Variants in GCNT2 observed in about 807,000 individuals in gnomAD.
The protein encoded by GCNT2 is glucosaminyl (N-acetyl) transferase 2 (I blood group), also known as N-acetyllactosaminide beta-1,6-N-acetylglucosaminyl-transferase.
A neutral mutation model predicts 34.2 loss-of-function variants in GCNT2; 34 were observed. The ratio of observed to expected loss-of-function variants is 1.00; its 90% CI spans 0.76 to 1.32. The LOEUF is 1.32. GCNT2 is among the 40% of genes most tolerant of loss of function. The pLI is 0.00. For missense variants in GCNT2, 584 were observed against 489.4 expected, an observed-to-expected ratio of 1.19 and a Z score of -1.82; for synonymous variants, 212 against 188.0, an observed-to-expected ratio of 1.13 and a Z score of -1.04.
chr6:10,523,324 G>T (rs1399242840), intron 1 of GCNT2, among the ~76,000 whole-genome samples: 1 of 151,866 alleles, frequency 6.6e-6, no homozygotes, highest in African/African-American at 2.4e-5. Flanking sequence ...TGCTCGGGAG[G>T]CTGAGGCAGG....
intron 1 of GCNT2, chr6:10,521,624 C>G (rs1372988074): frequency 2.0e-5 from 3 of 151,190 alleles, no homozygotes; most frequent in Non-Finnish European, 4.4e-5. Flanking sequence ...TTGAATGAGT[C>G]ATTTGGTCAT....
chr6:10,533,800 CAAAAAAA>C (rs869274003), intron 3 of GCNT2, among the ~76,000 whole-genome samples: 60 of 43,370 alleles, frequency 1.4e-3, no homozygotes, highest in East Asian at 1.6e-3. Flanking sequence ...GACTCTGTCT[CAAAAAAA>C]AAAAAAAAAA....
chr6:10,573,262 G>A (rs1469523154), intron 3 of GCNT2: 1 of 985,032 alleles, frequency 1.0e-6, no homozygotes, highest in African/African-American at 1.7e-5. Flanking sequence ...GAGAAAAGTT[G>A]TTGTGCAGAA....
chr6:10,617,340 G>A (rs954855402), intron 3 of GCNT2, among the ~76,000 whole-genome samples: 11 of 151,716 alleles, frequency 7.3e-5, no homozygotes, highest in Non-Finnish European at 1.2e-4. Flanking sequence ...ACGCCCACCC[G>A]GAACTCACGC....
chr6:10,586,811 C>G, intron 3 of GCNT2: 1 of 1,613,526 alleles, frequency 6.2e-7, no homozygotes, highest in Non-Finnish European at 8.5e-7. Flanking sequence ...GAGACTTTGT[C>G]GACTTTGTTC....
At chr6:10,537,801 C>G (rs1258272937) in intron 3 of GCNT2, among the ~76,000 whole-genome samples, 5 of 151,690 alleles carry the variant, frequency 3.3e-5, no homozygotes, top group African/African-American at 1.2e-4. Context: ...CCTAGCCTCC[C>G]TTAAACATGC....
chr6:10,567,895 A>G (rs1763359832), intron 3 of GCNT2, among the ~76,000 whole-genome samples: 1 of 152,258 alleles, frequency 6.6e-6, no homozygotes, highest in African/African-American at 2.4e-5. Context: ...TTTGCCAATG[A>G]TAAATGGATT....
At chr6:10,617,638 C>T (rs914056433) in intron 3 of GCNT2, among the ~76,000 whole-genome samples, 2 of 152,168 alleles carry the variant, frequency 1.3e-5, no homozygotes, top group Non-Finnish European at 2.9e-5. Flanking sequence ...TTTTACCCAG[C>T]TCCTATTTAA....
intron 3 of GCNT2, among the ~76,000 whole-genome samples, chr6:10,618,046 C>T (rs551798763): frequency 6.6e-6 from 1 of 152,166 alleles, no homozygotes; most frequent in South Asian, 2.1e-4. Context: ...TGAGCCACCA[C>T]GCCTGGCCAG....
At chr6:10,536,761 T>C (rs1265224934) in intron 3 of GCNT2, among the ~76,000 whole-genome samples, 2 of 146,680 alleles carry the variant, frequency 1.4e-5, no homozygotes, top group African/African-American at 5.1e-5. Flanking sequence ...TGGAGTACAG[T>C]GGCGCAATCT....
rs1490798970 is a variant in GCNT2 at position 10,556,859 on chromosome 6, C to A, written c.925+27023C>A. On this transcript the variant is annotated intron_variant, in intron 3 of 4. Coordinates refer to ENST00000495262, the MANE Select transcript of GCNT2 (RefSeq NM_145649.5). ...GGTAGAGCAACTATTAAGCTGCTTC[C>A]CAAACGCTTTTCTGGCTTCCAAGAT... 1.9e-6 allele frequency: 3 copies of A among 1,613,996 alleles called. No individual in the cohort carries two copies. In the African/African-American group the frequency reaches 4.0e-5, roughly 22 times the overall value.
intron 3 of GCNT2, among the ~76,000 whole-genome samples, chr6:10,542,853 G>T (rs1400635179): frequency 6.7e-6 from 1 of 149,020 alleles, no homozygotes. Flanking sequence ...TTTCTCCTGG[G>T]TAGATACCAA....
intron 3 of GCNT2, among the ~76,000 whole-genome samples, chr6:10,545,832 G>A (rs1460272644): frequency 6.6e-6 from 1 of 152,032 alleles, no homozygotes; most frequent in Non-Finnish European, 1.5e-5. Flanking sequence ...AAGATGGCAG[G>A]GTAAATGAAA....
At chr6:10,595,983 C>T (rs1399984300) in intron 3 of GCNT2, among the ~76,000 whole-genome samples, 1 of 152,210 alleles carries the variant, frequency 6.6e-6, no homozygotes, top group Non-Finnish European at 1.5e-5. Context: ...CTATAATTCT[C>T]ATAAATAAGT....
chr6:10,556,834 G>T, intron 3 of GCNT2: 2 of 1,614,126 alleles, frequency 1.2e-6, no homozygotes, highest in Non-Finnish European at 1.7e-6. Context: ...TTAAAGATGC[G>T]GTAGAGCAAC....
intron 3 of GCNT2, among the ~76,000 whole-genome samples, chr6:10,539,180 CTTTTTTTT>C (rs71548847): frequency 7.7e-5 from 5 of 65,328 alleles, no homozygotes; most frequent in East Asian, 1.1e-3. Flanking sequence ...CTCACCGTCT[CTTTTTTTT>C]TTTTTTTTTT....
chr6:10,585,906 C>G, intron 3 of GCNT2: 1 of 1,592,300 alleles, frequency 6.3e-7, no homozygotes, highest in Non-Finnish European at 8.5e-7. Context: ...TCAAGACTGG[C>G]AAGAGAAGCA....
At chr6:10,550,140 G>C (rs1380838959) in intron 3 of GCNT2, among the ~76,000 whole-genome samples, 1 of 152,080 alleles carries the variant, frequency 6.6e-6, no homozygotes, top group East Asian at 1.9e-4. Context: ...TGAAACCTCT[G>C]CTTCCCGGGT....
chr6:10,564,435 C>T (rs1464443134), intron 3 of GCNT2, among the ~76,000 whole-genome samples: 1 of 152,210 alleles, frequency 6.6e-6, no homozygotes, highest in Non-Finnish European at 1.5e-5. Flanking sequence ...CTCATCCCTG[C>T]TGATCTGGCT....
Sources: gnomAD v4.1 joint callset for allele counts (sites outside exome capture counted in the v4.1 genomes callset) on GRCh38, gnomAD v4.1.1 for gene constraint, MANE v1.5 for transcripts, NCBI Gene and HGNC (gene_info 2026-07-23, HGNC 2026-07-21) for gene names.